RALGPS1: variants seen among roughly 807,000 people sequenced by gnomAD.
RALGPS1 encodes ras-specific guanine nucleotide-releasing factor RalGPS1.
A neutral mutation model predicts 78.8 loss-of-function variants in RALGPS1; 19 were observed. The observed-to-expected ratio is 0.24, with a 90% CI of 0.17 to 0.35. The LOEUF (loss-of-function observed/expected upper bound fraction) is 0.35, where lower values mean the gene tolerates loss of function less well. Ranked by LOEUF, RALGPS1 falls within the 10% of genes least tolerant of loss-of-function variation. The pLI, the probability that RALGPS1 is intolerant of heterozygous loss-of-function variation, is 1.00. For missense variants in RALGPS1, 454 were observed against 688.3 expected (o/e 0.66, Z 3.81); for synonymous variants, 228 against 256.3 (o/e 0.89, Z 1.06).
chr9:126,960,759 C>T (rs188148619), intron 1 of RALGPS1, among the ~76,000 whole-genome samples: 131 of 152,076 alleles, frequency 8.6e-4, no homozygotes, highest in Non-Finnish European at 1.6e-3. Flanking sequence ...ATCACAGATT[C>T]GGCATTTCCC....
intron 4 of RALGPS1, among the ~76,000 whole-genome samples, chr9:127,001,516 C>G (rs1297712939): frequency 6.6e-6 from 1 of 152,112 alleles, no homozygotes; most frequent in Non-Finnish European, 1.5e-5. Context: ...TAGTGTAAGA[C>G]ATTTACAACA....
chr9:127,206,889 G>A (rs764073085), intron 14 of RALGPS1, among the ~76,000 whole-genome samples: 1 of 151,954 alleles, frequency 6.6e-6, no homozygotes, highest in Non-Finnish European at 1.5e-5. Context: ...GAAGTGCCCT[G>A]GCCACTTCCA....
chr9:127,195,800 T>TTCCC, intron 12 of RALGPS1, among the ~76,000 whole-genome samples: 1 of 151,852 alleles, frequency 6.6e-6, no homozygotes, highest in African/African-American at 2.4e-5. Context: ...CCCTTCTTCC[T>TTCCC]TCCCTCCCTC....
intron 8 of RALGPS1, among the ~76,000 whole-genome samples, chr9:127,163,366 A>G (rs2059125115): frequency 6.6e-6 from 1 of 152,234 alleles, no homozygotes; most frequent in Non-Finnish European, 1.5e-5. Flanking sequence ...AAGAAAAACA[A>G]GGTGAAGAGA....
At chr9:127,140,253 A>G (rs1251176618) in intron 8 of RALGPS1, among the ~76,000 whole-genome samples, 1 of 152,206 alleles carries the variant, frequency 6.6e-6, no homozygotes, top group Non-Finnish European at 1.5e-5. Flanking sequence ...AGGCAGTGCA[A>G]CAGGTCAGTC....
chr9:127,037,982 G>A (rs2046998966), intron 5 of RALGPS1, among the ~76,000 whole-genome samples: 1 of 152,204 alleles, frequency 6.6e-6, no homozygotes, highest in South Asian at 2.1e-4. Flanking sequence ...GTTCTGGAAG[G>A]AAGAAGCTAT....
At chr9:126,963,461 C>T (rs2039117892) in intron 2 of RALGPS1, among the ~76,000 whole-genome samples, 1 of 152,018 alleles carries the variant, frequency 6.6e-6, no homozygotes, top group African/African-American at 2.4e-5. Context: ...GTATCCAGCA[C>T]AAGGTAAGTA....
intron 8 of RALGPS1, among the ~76,000 whole-genome samples, chr9:127,096,088 AG>A (rs912605573): frequency 2.6e-5 from 4 of 152,152 alleles, no homozygotes; most frequent in African/African-American, 9.7e-5. Context: ...TCCCCACCCC[AG>A]GGTAGCAGAT....
intron 4 of RALGPS1, among the ~76,000 whole-genome samples, chr9:127,019,043 A>G (rs929294106): frequency 7.9e-5 from 12 of 152,202 alleles, no homozygotes; most frequent in African/African-American, 2.9e-4. Flanking sequence ...ATGGTATTTG[A>G]GAATTTAAAA....
At chr9:127,107,793 T>G in intron 8 of RALGPS1, 9 of 971,230 alleles carry the variant, frequency 9.3e-6, no homozygotes, top group Non-Finnish European at 1.3e-5. Flanking sequence ...TGCTGGGGGA[T>G]TGTGCATGTC....
intron 8 of RALGPS1, among the ~76,000 whole-genome samples, chr9:127,125,507 G>C (rs1162134063): frequency 6.6e-6 from 1 of 152,206 alleles, no homozygotes; most frequent in Non-Finnish European, 1.5e-5. Flanking sequence ...CAGGGTTACT[G>C]TGAGGATTGA....
intron 4 of RALGPS1, among the ~76,000 whole-genome samples, chr9:127,018,075 G>A (rs947425693): frequency 1.3e-5 from 2 of 152,008 alleles, no homozygotes; most frequent in African/African-American, 4.8e-5. Context: ...AAACTTAGCC[G>A]GGCATGTTGG....
At chr9:126,974,211 C>CT (rs2040390691) in intron 3 of RALGPS1, among the ~76,000 whole-genome samples, 1 of 152,116 alleles carries the variant, frequency 6.6e-6, no homozygotes, top group African/African-American at 2.4e-5. Context: ...GTTAAAAAAG[C>CT]TTTAAATAAG....
chr9:127,005,613 C>T (rs1383728729), intron 4 of RALGPS1, among the ~76,000 whole-genome samples: 2 of 152,094 alleles, frequency 1.3e-5, no homozygotes, highest in African/African-American at 2.4e-5. Flanking sequence ...GCTGCTTCGA[C>T]TACACAGGAG....
chr9:127,141,637 AAAAG>A (rs1554842402), intron 8 of RALGPS1, among the ~76,000 whole-genome samples: 6 of 151,192 alleles, frequency 4.0e-5, no homozygotes, highest in South Asian at 2.1e-4. Flanking sequence ...AAAAAAAAAA[AAAAG>A]AAAGAAAGAA....
At chr9:127,112,682 T>C (rs567911736) in intron 8 of RALGPS1, among the ~76,000 whole-genome samples, 1 of 152,340 alleles carries the variant, frequency 6.6e-6, no homozygotes, top group African/African-American at 2.4e-5. Context: ...CCTTGCACAC[T>C]AGGTGAGCAG....
At chr9:127,140,282 T>A (rs1435835153) in intron 8 of RALGPS1, among the ~76,000 whole-genome samples, 2 of 152,238 alleles carry the variant, frequency 1.3e-5, no homozygotes, top group African/African-American at 4.8e-5. Flanking sequence ...ACGGATCAGA[T>A]GGACGTGCTG....
intron 3 of RALGPS1, among the ~76,000 whole-genome samples, chr9:126,975,550 TCTC>T (rs1260034172): frequency 6.6e-6 from 1 of 152,156 alleles, no homozygotes; most frequent in Admixed American, 6.5e-5. Flanking sequence ...TCAGGTCAAA[TCTC>T]CTGTCTTTAC....
At chr9:127,085,321 T>C (rs2051594644) in intron 8 of RALGPS1, among the ~76,000 whole-genome samples, 1 of 152,122 alleles carries the variant, frequency 6.6e-6, no homozygotes, top group African/African-American at 2.4e-5. Flanking sequence ...ATGGCGAACT[T>C]AGTAATAGTA....
Sources: allele counts gnomAD v4.1 joint callset (sites outside exome capture counted in the v4.1 genomes callset), GRCh38; gene constraint gnomAD v4.1.1; transcripts MANE v1.5; gene names NCBI Gene and HGNC (gene_info 2026-07-23, HGNC 2026-07-21).